Variants in GRIK3 observed in about 807,000 individuals in gnomAD.
GRIK3 encodes the protein glutamate ionotropic receptor kainate type subunit 3.
GRIK3 carries 29 observed loss-of-function variants against 102.5 expected under a neutral mutation model. The observed-to-expected ratio is 0.28, with a 90% CI of 0.21 to 0.39. The LOEUF (loss-of-function observed/expected upper bound fraction) is 0.39, where lower values mean the gene tolerates loss of function less well. Among genes scored for constraint, GRIK3 ranks in the 10% least tolerant of loss-of-function variants. The pLI, the probability that GRIK3 is intolerant of heterozygous loss-of-function variation, is 1.00. For synonymous variants in GRIK3, 511 were observed against 504.9 expected, an observed-to-expected ratio of 1.01 and a Z score of -0.16; for missense variants, 908 against 1,252.4, an observed-to-expected ratio of 0.73 and a Z score of 4.15.
intron 13 of GRIK3, 152 bp downstream of exon 13, chr1:36,816,908 A>G: frequency 1.6e-6 from 1 of 619,562 alleles, no homozygotes; most frequent in Non-Finnish European, 2.9e-6. Flanking sequence ...CCCCAAAGTC[A>G]ACTAGTCCAA....
chr1:36,938,479 C>T (rs368726999), intron 1 of GRIK3, among the ~76,000 whole-genome samples: 10 of 152,260 alleles, frequency 6.6e-5, no homozygotes, highest in Non-Finnish European at 8.8e-5. Context: ...TCAGAAATGC[C>T]GTGATGTTGC....
intron 1 of GRIK3, among the ~76,000 whole-genome samples, chr1:36,969,855 C>A (rs564345072): frequency 1.3e-5 from 2 of 152,284 alleles, no homozygotes; most frequent in South Asian, 4.1e-4. Flanking sequence ...CATGAGGATG[C>A]GAATGGACAG....
At chr1:36,968,953 G>A (rs983991039) in intron 1 of GRIK3, among the ~76,000 whole-genome samples, 4 of 152,174 alleles carry the variant, frequency 2.6e-5, no homozygotes, top group African/African-American at 9.7e-5. Flanking sequence ...CCCAAGGGAG[G>A]CAAACTAATT....
chr1:36,931,089 C>A (rs529442468), intron 1 of GRIK3, among the ~76,000 whole-genome samples: 27 of 152,324 alleles, frequency 1.8e-4, no homozygotes, highest in African/African-American at 6.5e-4. Context: ...AGCAGAGTCT[C>A]CCCTTCACTC....
chr1:36,958,315 G>T (rs1317186368), intron 1 of GRIK3, among the ~76,000 whole-genome samples: 13 of 42,362 alleles, frequency 3.1e-4, no homozygotes, highest in South Asian at 9.3e-4. Context: ...CTGTGTGCCC[G>T]GTGAGTCTGT....
At chr1:36,897,383 A>G (rs768884844) in intron 1 of GRIK3, among the ~76,000 whole-genome samples, 2 of 152,218 alleles carry the variant, frequency 1.3e-5, no homozygotes, top group Non-Finnish European at 2.9e-5. Flanking sequence ...AAATAATTCC[A>G]TTTCTAATAA....
chr1:36,824,446 C>T (rs772328955), intron 11 of GRIK3, among the ~76,000 whole-genome samples: 1 of 152,154 alleles, frequency 6.6e-6, no homozygotes, highest in Non-Finnish European at 1.5e-5. Flanking sequence ...CTTCAGGCCT[C>T]TGGCAGCACA....
At chr1:36,817,999 T>C (rs138136475) in intron 12 of GRIK3, among the ~76,000 whole-genome samples, 1 of 152,210 alleles carries the variant, frequency 6.6e-6, no homozygotes. Flanking sequence ...ACAATAGAGA[T>C]GACACCTTCT....
chr1:36,858,793 G>T (rs754893798), intron 7 of GRIK3, among the ~76,000 whole-genome samples: 11 of 152,116 alleles, frequency 7.2e-5, no homozygotes, highest in African/African-American at 2.7e-4. Context: ...TCTCCAGCTC[G>T]CCCAAGGTCA....
intron 1 of GRIK3, among the ~76,000 whole-genome samples, chr1:36,925,203 C>T (rs1378742969): frequency 6.6e-6 from 1 of 152,212 alleles, no homozygotes; most frequent in African/African-American, 2.4e-5. Context: ...CATGCTAGCA[C>T]ACAGAGGCAA....
At chr1:36,854,551 G>A (rs1267699273) in intron 7 of GRIK3, among the ~76,000 whole-genome samples, 1 of 152,088 alleles carries the variant, frequency 6.6e-6, no homozygotes, top group Non-Finnish European at 1.5e-5. Context: ...ATGGCTAGCG[G>A]GTCAACCTGG....
At chr1:36,802,073 G>A in intron 15 of GRIK3, 28 bp from the exon 16 acceptor site, 1 of 1,549,462 alleles carries the variant, frequency 6.5e-7, no homozygotes, top group Non-Finnish European at 8.8e-7. Flanking sequence ...AGAGGGGTCG[G>A]AAAAGGGGCA....
In GRIK3 at chr1:36,880,550, G is replaced by T; in HGVS notation, c.550+84C>A. On this transcript the variant is annotated intron_variant, in intron 3 of 15. Transcript: ENST00000373091. This position sits in a 1 kb window ranked among gnomAD's most constrained non-coding sequence, Gnocchi z 5.4. ...CAGCCTCTTCCCCCAGGGCAGCTGTGCTGAACAAACAGACAAGAGCTTGAT... is the reference window on the plus strand; with the variant it reads ...CAGCCTCTTCCCCCAGGGCAGCTGTTCTGAACAAACAGACAAGAGCTTGAT... 1 of 1,361,234 alleles carries T rather than the reference G, an allele frequency of 7.3e-7. No homozygotes were observed. The highest frequency in any genetic ancestry group is 1.0e-6 in the Non-Finnish European group (1 of 962,550). The allele number at this position is 1,361,234 out of a possible 1,614,324, so 84.3% of individuals were successfully genotyped here. A position where few individuals can be genotyped will look rare whatever the true frequency, so the allele number is the denominator to read the frequency against.
At chr1:36,839,192 T>TGCCTCTGCAAATGACAGCCTCAGA (rs1640418443) in intron 10 of GRIK3, among the ~76,000 whole-genome samples, 1 of 152,170 alleles carries the variant, frequency 6.6e-6, no homozygotes, top group Non-Finnish European at 1.5e-5. Context: ...CTGCCCAGCT[T>TGCCTCTGCAAATGACAGCCTCAGA]GCCTCTGCAA....
At chr1:37,029,611 C>G (rs1642799296) in intron 1 of GRIK3, among the ~76,000 whole-genome samples, 1 of 152,194 alleles carries the variant, frequency 6.6e-6, no homozygotes, top group African/African-American at 2.4e-5. Context: ...TACATATGGC[C>G]TTATACTTCT....
intron 5 of GRIK3, among the ~76,000 whole-genome samples, chr1:36,862,927 C>T (rs1009246475): frequency 5.3e-5 from 8 of 152,126 alleles, no homozygotes; most frequent in African/African-American, 1.9e-4. Flanking sequence ...ACATACAGCC[C>T]CCAGGGCAGA....
At chr1:36,905,040 C>T (rs1641271922) in intron 1 of GRIK3, among the ~76,000 whole-genome samples, 1 of 152,014 alleles carries the variant, frequency 6.6e-6, no homozygotes, top group African/African-American at 2.4e-5. Flanking sequence ...AAACAGAGAG[C>T]TCATCAAGAG....
chr1:36,886,456 G>A (rs3767058), intron 2 of GRIK3, among the ~76,000 whole-genome samples: 6,765 of 152,208 alleles, frequency 0.044, 403 homozygotes, highest in African/African-American at 0.13. Context: ...CCAAAGATGA[G>A]AAGAAAAAAT....
intron 7 of GRIK3, among the ~76,000 whole-genome samples, chr1:36,856,273 C>A (rs540831453): frequency 6.6e-6 from 1 of 152,304 alleles, no homozygotes; most frequent in African/African-American, 2.4e-5. Context: ...AGCCTTCCTG[C>A]CTGTCAGCTA....
Sources: allele counts gnomAD v4.1 joint callset (sites outside exome capture counted in the v4.1 genomes callset), GRCh38; gene constraint gnomAD v4.1.1; non-coding constraint Gnocchi (gnomAD v3.1); transcripts MANE v1.5; gene names NCBI Gene and HGNC (gene_info 2026-07-23, HGNC 2026-07-21).